The following RB1 variants were observed in gnomAD, a reference collection of about 807,000 sequenced individuals.
The protein encoded by RB1 is RB transcriptional corepressor 1, also known as retinoblastoma-associated protein.
A neutral mutation model predicts 135.4 loss-of-function variants in RB1; 18 were observed. The observed-to-expected ratio is 0.13, with a 90% CI of 0.09 to 0.20. RB1 has a LOEUF of 0.20. Among genes scored for constraint, RB1 ranks in the 10% least tolerant of loss-of-function variants. The pLI, the probability that RB1 is intolerant of heterozygous loss-of-function variation, is 1.00. For synonymous variants in RB1, 365 were observed against 373.2 expected (o/e 0.98, Z 0.25); for missense variants, 868 against 1,110.0 (o/e 0.78, Z 3.10).
chr13:48,369,501 A>C (rs1952736865), intron 11 of RB1, among the ~76,000 whole-genome samples: 1 of 152,196 alleles, frequency 6.6e-6, no homozygotes, highest in Non-Finnish European at 1.5e-5. Context: ...CTTGCTGTTA[A>C]ACCCACTGAC....
At position 48,477,469 on chromosome 13, in the gene RB1, C is replaced by T. The variant is rs1408393238; in HGVS notation, c.2713+65C>T. 1.5e-5 allele frequency: 20 copies of T among 1,291,574 alleles called. No homozygotes were observed. In the East Asian group the frequency reaches 3.3e-4, roughly 21 times the overall value. The allele number at this position is 1,291,574 out of a possible 1,614,324, so 80.0% of individuals were successfully genotyped here. ...TTGTTTACACTGCAAGAAGTCTTTT[C>T]GTTATATAAAAGAATGTATAATTTC... On this transcript the variant is annotated intron_variant, in intron 26 of 26. Transcript: ENST00000267163.
At chr13:48,432,684 A>G (rs1478522229) in intron 17 of RB1, among the ~76,000 whole-genome samples, 1 of 152,090 alleles carries the variant, frequency 6.6e-6, no homozygotes, top group African/African-American at 2.4e-5. Context: ...CTGACAGCCT[A>G]TGTCAACTGT....
chr13:48,368,715 T>C (rs1952728768), intron 11 of RB1, 111 bp downstream of exon 11: 3 of 1,436,432 alleles, frequency 2.1e-6, no homozygotes, highest in African/African-American at 1.4e-5. Flanking sequence ...GTAAGAAATA[T>C]ATATTGAAGG....
chr13:48,382,840 A>G (rs1272951033), intron 17 of RB1, among the ~76,000 whole-genome samples: 1 of 152,102 alleles, frequency 6.6e-6, no homozygotes, highest in Non-Finnish European at 1.5e-5. Context: ...CTAACATTTA[A>G]GTCTTTAATC....
chr13:48,452,957 A>C (rs986195109), intron 17 of RB1, 36 bp from the exon 18 acceptor site: 1 of 1,608,868 alleles, frequency 6.2e-7, no homozygotes. Context: ...AATTATGCTT[A>C]CTAATGTGGT....
chr13:48,355,455 C>T (rs1198310613), intron 6 of RB1, among the ~76,000 whole-genome samples: 8 of 151,958 alleles, frequency 5.3e-5, no homozygotes, highest in Non-Finnish European at 7.4e-5. Flanking sequence ...AGAGAACCCC[C>T]GTACACTGTT....
At chr13:48,435,125 A>G (rs1949170478) in intron 17 of RB1, among the ~76,000 whole-genome samples, 1 of 152,216 alleles carries the variant, frequency 6.6e-6, no homozygotes, top group African/African-American at 2.4e-5. Context: ...TTCTTTGATA[A>G]AAGACTGCAA....
rs779396239 is a variant in RB1, at chr13:48,380,036, TA to T, written c.1390-14del. On this transcript the variant is annotated splice_polypyrimidine_tract_variant and intron_variant, in intron 14 of 26. Transcript: ENST00000267163. ...ATTAAACAACTTCTTTTTTTTTTTT[TA>T]AATTATCTGTTTCAGGAAGAAGAAC... 1.3e-5 allele frequency: 16 copies of T among 1,277,372 alleles called. No individual in the cohort carries two copies. The highest frequency in any genetic ancestry group is 3.0e-5 in the South Asian group (2 of 66,994). 79.1% of individuals were successfully genotyped at this position (1,277,372 alleles called of 1,614,324 possible). A position where few individuals can be genotyped will look rare whatever the true frequency, so the allele number is the denominator to read the frequency against.
chr13:48,479,314 C>T (rs566689254), intron 26 of RB1, among the ~76,000 whole-genome samples: 4 of 152,294 alleles, frequency 2.6e-5, no homozygotes, highest in South Asian at 4.1e-4. Context: ...CATAAGGGAA[C>T]CTATAGCTTT....
Position 48,425,001 on chromosome 13 carries a change from G to A in RB1, c.1696-27992G>A, listed in dbSNP as rs529976299. ...CCTGGGAAGCAGAGGTTGCAGTGAC[G>A]GAGATCATGCCACTGCACTCCAGCC... On this transcript the variant is annotated intron_variant, in intron 17 of 26. Transcript: ENST00000267163. Among the ~76,000 whole-genome samples, 39 of 151,868 alleles carry A rather than the reference G, an allele frequency of 2.6e-4. 1 individual carries two copies. The highest frequency in any genetic ancestry group is 4.7e-4 in the Non-Finnish European group (32 of 67,988).
intron 17 of RB1, chr13:48,444,645 G>C (rs1403043799): frequency 1.3e-5 from 2 of 152,314 alleles, no homozygotes; most frequent in Non-Finnish European, 2.9e-5. Flanking sequence ...CATGCCCTCT[G>C]GGGGCCACAC....
At chr13:48,423,781 A>T (rs1949042319) in intron 17 of RB1, among the ~76,000 whole-genome samples, 2 of 152,116 alleles carry the variant, frequency 1.3e-5, no homozygotes, top group South Asian at 4.1e-4. Context: ...ATAGTGGTAC[A>T]CTCCTGTAGT....
intron 2 of RB1, chr13:48,317,448 C>T: frequency 2.4e-6 from 1 of 413,974 alleles, no homozygotes; most frequent in Non-Finnish European, 4.4e-6. Flanking sequence ...CTCCAGAGTC[C>T]CTTTCAGCTT....
At chr13:48,459,885 G>C in intron 20 of RB1, 52 bp downstream of exon 20, 2 of 830,544 alleles carry the variant, frequency 2.4e-6, no homozygotes, top group South Asian at 1.8e-5. Context: ...CTTGTTAACT[G>C]ATTCTTTCTT....
At chr13:48,473,434 G>A (rs980373501) in intron 24 of RB1, 44 bp downstream of exon 24, 9 of 1,471,558 alleles carry the variant, frequency 6.1e-6, no homozygotes, top group African/African-American at 1.4e-5. Context: ...TGCATTGTAA[G>A]TATAAAAGAA....
chr13:48,332,066 A>C (rs1952342096), intron 2 of RB1, among the ~76,000 whole-genome samples: 1 of 152,234 alleles, frequency 6.6e-6, no homozygotes, highest in African/African-American at 2.4e-5. Flanking sequence ...AAAGGTAGGA[A>C]ATCCTGCCAT....
At chr13:48,420,264 A>T (rs1948985160) in intron 17 of RB1, among the ~76,000 whole-genome samples, 1 of 152,232 alleles carries the variant, frequency 6.6e-6, no homozygotes, top group South Asian at 2.1e-4. Flanking sequence ...TCCATCACAT[A>T]AACAGAACCA....
At chr13:48,392,142 G>A (rs959785503) in intron 17 of RB1, among the ~76,000 whole-genome samples, 7 of 149,918 alleles carry the variant, frequency 4.7e-5, no homozygotes, top group East Asian at 4.0e-4. Context: ...ATGAAGCCTC[G>A]CTCTTTTGCC....
intron 19 of RB1, among the ~76,000 whole-genome samples, chr13:48,457,449 G>A (rs891052106): frequency 1.3e-5 from 2 of 152,176 alleles, no homozygotes; most frequent in African/African-American, 4.8e-5. Context: ...AGTGTGCACC[G>A]ATTGGTACAT....
Sources: allele counts gnomAD v4.1 joint callset (sites outside exome capture counted in the v4.1 genomes callset), GRCh38; gene constraint gnomAD v4.1.1; transcripts MANE v1.5; gene names NCBI Gene and HGNC (gene_info 2026-07-23, HGNC 2026-07-21).